MEF2C: variants seen among roughly 807,000 people sequenced by gnomAD.
MEF2C encodes myocyte-specific enhancer factor 2C.
In MEF2C, 6 loss-of-function variants were observed where a neutral mutation model predicts 50.5. The observed-to-expected ratio is 0.12, with a 90% CI of 0.07 to 0.23. The LOEUF is 0.23. Among genes scored for constraint, MEF2C ranks in the 10% least tolerant of loss-of-function variants. The pLI, the probability that MEF2C is intolerant of heterozygous loss-of-function variation, is 1.00. For synonymous variants in MEF2C, 183 were observed against 228.0 expected (o/e 0.80, Z 1.78); for missense variants, 276 against 605.0 (o/e 0.46, Z 5.70).
At chr5:88,831,539 C>T (rs761603847) in intron 1 of MEF2C, among the ~76,000 whole-genome samples, 45 of 151,954 alleles carry the variant, frequency 3.0e-4, no homozygotes, top group South Asian at 2.5e-3. Context: ...TGTCCCCCTG[C>T]CAATGTTTTT....
At chr5:88,816,525 TTTTCCCTTCTGG>T (rs932514066) in intron 2 of MEF2C, among the ~76,000 whole-genome samples, 3 of 150,804 alleles carry the variant, frequency 2.0e-5, no homozygotes, top group African/African-American at 7.3e-5. Context: ...ATTTAGGTCA[TTTTCCCTTCTGG>T]TTTTCTTTTT....
At chr5:88,737,132 G>T in intron 6 of MEF2C, 2 of 985,306 alleles carry the variant, frequency 2.0e-6, no homozygotes, top group South Asian at 9.4e-5. Flanking sequence ...GTTATTGAGG[G>T]ACAATGAGGT....
chr5:88,865,002 A>G (rs1056824344), intron 1 of MEF2C, among the ~76,000 whole-genome samples: 1 of 152,066 alleles, frequency 6.6e-6, no homozygotes, highest in Non-Finnish European at 1.5e-5. Context: ...TCCTGACCTC[A>G]GATGATCCAC....
intron 3 of MEF2C, 139 bp from the exon 4 acceptor site, chr5:88,761,467 G>T: frequency 9.8e-7 from 1 of 1,024,062 alleles, no homozygotes; most frequent in Non-Finnish European, 1.4e-6. Context: ...AACCACAGAT[G>T]AAAGCTGAGT....
Position 88,722,570 on chromosome 5 carries a change from A to AG in MEF2C, c.*33dup. On this transcript the variant is annotated 3_prime_UTR_variant, in exon 11 of 11. Transcript: ENST00000504921. ...AGGTATAGCACACACACACACTGCA[A>AG]GAAAAAAAAAAAAACTAGTAAGTAA... 6.6e-7 allele frequency: 1 copy of AG among 1,505,362 alleles called. No individual in the cohort carries two copies. The highest frequency in any genetic ancestry group is 2.3e-5 in the East Asian group (1 of 44,092). The allele number at this position is 1,505,362 out of a possible 1,614,324, so 93.3% of individuals were successfully genotyped here.
chr5:88,743,972 T>C (rs1768112520), intron 6 of MEF2C: 1 of 943,566 alleles, frequency 1.1e-6, no homozygotes, highest in Non-Finnish European at 1.3e-6. Flanking sequence ...GCTATGTAGA[T>C]TGTAAAATTA....
Position 88,719,561 on chromosome 5 carries a change from G to A in MEF2C, c.*3043C>T, listed in dbSNP as rs1178865742. On this transcript the variant is annotated 3_prime_UTR_variant, in exon 11 of 11. Transcript: ENST00000504921. The stretch of plus-strand genomic sequence containing the variant: ...TGCCTAAAATGTTACTCTAGGACGG[G>A]TTATGTAAAATAATACTCCCTCAGG... The A allele has an allele frequency of 6.6e-6, 1 of 152,204 alleles. No homozygotes were observed. The highest frequency in any genetic ancestry group is 6.5e-5 in the Admixed American group (1 of 15,286). 9.4% of individuals were successfully genotyped at this position (152,204 alleles called of 1,614,324 possible).
At chr5:88,898,313 C>T (rs1005563398) in intron 1 of MEF2C, among the ~76,000 whole-genome samples, 5 of 152,126 alleles carry the variant, frequency 3.3e-5, no homozygotes, top group African/African-American at 1.2e-4. Context: ...AATTCTTCAT[C>T]TTTACTTAAT....
At chr5:88,866,217 G>A (rs1419214098) in intron 1 of MEF2C, among the ~76,000 whole-genome samples, 4 of 152,126 alleles carry the variant, frequency 2.6e-5, no homozygotes, top group Non-Finnish European at 5.9e-5. Context: ...TCAAATAGAC[G>A]AATTTTTAAA....
At chr5:88,788,733 T>G (rs1353461025) in intron 3 of MEF2C, among the ~76,000 whole-genome samples, 1 of 152,216 alleles carries the variant, frequency 6.6e-6, no homozygotes, top group Non-Finnish European at 1.5e-5. Flanking sequence ...CCTTACAGAT[T>G]AATGCAGATC....
At chr5:88,790,828 A>G (rs1388345353) in intron 3 of MEF2C, among the ~76,000 whole-genome samples, 1 of 152,212 alleles carries the variant, frequency 6.6e-6, no homozygotes, top group Non-Finnish European at 1.5e-5. Context: ...AGCTGGAGGT[A>G]CAGAGATGAA....
chr5:88,759,764 C>G (rs1368002711), intron 4 of MEF2C, among the ~76,000 whole-genome samples: 1 of 152,182 alleles, frequency 6.6e-6, no homozygotes, highest in East Asian at 1.9e-4. Flanking sequence ...AGTTCTACTG[C>G]TGACATTTCA....
chr5:88,780,661 G>C, intron 3 of MEF2C: 23 of 719,024 alleles, frequency 3.2e-5, no homozygotes, highest in Non-Finnish European at 3.9e-5. Context: ...TAGAAGCAAT[G>C]CACAACATAT....
intron 3 of MEF2C, among the ~76,000 whole-genome samples, chr5:88,778,190 G>A (rs1785872682): frequency 6.6e-6 from 1 of 151,552 alleles, no homozygotes; most frequent in South Asian, 2.1e-4. Flanking sequence ...TTACAAGCGT[G>A]AGCCACCACG....
intron 3 of MEF2C, among the ~76,000 whole-genome samples, chr5:88,777,889 T>TTTTTC (rs1785608380): frequency 7.1e-6 from 1 of 139,908 alleles, no homozygotes; most frequent in African/African-American, 2.6e-5. Flanking sequence ...GGGTGCTAAA[T>TTTTTC]TTTTCTTTTC....
At chr5:88,844,393 G>C (rs560811039) in intron 1 of MEF2C, among the ~76,000 whole-genome samples, 1 of 152,288 alleles carries the variant, frequency 6.6e-6, no homozygotes, top group East Asian at 1.9e-4. Flanking sequence ...TTATCATGTT[G>C]TTTTAAAATA....
chr5:88,781,571 G>T (rs1788047999), intron 3 of MEF2C, among the ~76,000 whole-genome samples: 2 of 152,200 alleles, frequency 1.3e-5, no homozygotes, highest in Admixed American at 1.3e-4. Context: ...TCTTTTTTAT[G>T]AAAGGGCAGG....
At chr5:88,839,357 C>T in intron 1 of MEF2C, 1 of 151,428 alleles carries the variant, frequency 6.6e-6, no homozygotes, top group East Asian at 1.9e-4. Flanking sequence ...CTCTCTCTAT[C>T]TATCTATCTC....
At chr5:88,870,720 C>T (rs1277240454) in intron 1 of MEF2C, among the ~76,000 whole-genome samples, 3 of 152,080 alleles carry the variant, frequency 2.0e-5, no homozygotes, top group Middle Eastern at 3.4e-3. Context: ...ATATTGACTC[C>T]GGTTTTGGGT....
Sources: allele counts gnomAD v4.1 joint callset (sites outside exome capture counted in the v4.1 genomes callset), GRCh38; gene constraint gnomAD v4.1.1; transcripts MANE v1.5; gene names NCBI Gene and HGNC (gene_info 2026-07-23, HGNC 2026-07-21).